Variants in ZNF12 observed in about 807,000 individuals in gnomAD.
ZNF12 encodes zinc finger protein 12.
In ZNF12, 34 loss-of-function variants were observed where a neutral mutation model predicts 66.6. That is an observed-to-expected ratio of 0.51 (90% CI 0.39 to 0.68). ZNF12 has a LOEUF of 0.68. ZNF12 is among the 30% of genes least tolerant of loss of function. The pLI is 0.00. For missense variants in ZNF12, 697 were observed against 826.9 expected (o/e 0.84, Z 1.93); for synonymous variants, 320 against 278.9 (o/e 1.15, Z -1.47).
rs957272726 is a variant in ZNF12 at position 6,705,866 on chromosome 7, T to C, written c.-51+566A>G. 6.6e-6 allele frequency among the ~76,000 whole-genome samples: 1 copy of C among 152,232 alleles called. No individual in the cohort carries two copies. The highest frequency in any genetic ancestry group is 1.5e-5 in the Non-Finnish European group (1 of 68,034). ...ACAGTCGGCATAATTGAGTCTTTATTTGCAGAAACTTCAGTGTGCTACTCA... is the reference window on the plus strand; with the variant it reads ...ACAGTCGGCATAATTGAGTCTTTATCTGCAGAAACTTCAGTGTGCTACTCA... On this transcript the variant is annotated intron_variant, in intron 1 of 4. Coordinates refer to ENST00000405858, the MANE Select transcript of ZNF12 (RefSeq NM_016265.4). This position sits in a 1 kb window ranked among gnomAD's most constrained non-coding sequence, Gnocchi z 4.0.
chr7:6,692,616 A>G lies in ZNF12; in HGVS notation c.326T>C (p.Leu109Pro). ...AGGAACATTACCTCTCTCTTCAATC[A>G]GGGTCTCAATGAACACAGTTTGCCT... ...PSRQTVFIETLIEERGNVPGK... is the reference protein window; with the variant it reads ...PSRQTVFIETPIEERGNVPGK... Residue 109 changes from leucine (L) to proline (P), a missense_variant, in exon 5 of 5, where the codon CTG becomes CCG. Physicochemically the swap from Leu to Pro is moderately conservative, Grantham distance 98. Around this residue, in one of 3 missense-constraint regions of ZNF12, gnomAD observed 241 missense variants for 224.0 expected, o/e 1.08. Coordinates refer to ENST00000405858, the MANE Select transcript of ZNF12 (RefSeq NM_016265.4). This position sits in a 1 kb window ranked among gnomAD's most constrained non-coding sequence, Gnocchi z 5.1. 1 of 1,613,834 alleles carries G rather than the reference A, an allele frequency of 6.2e-7. No homozygotes were observed.
rs372495360 is a variant in ZNF12 at position 6,697,861 on chromosome 7, G to C, written c.16-50C>G. 1.2e-6 allele frequency: 2 copies of C among 1,610,626 alleles called. No individual in the cohort carries two copies. Among genetic ancestry groups the C allele is most frequent in the East Asian group, 4.5e-5 (2 of 44,868 alleles). ...TGGGTGACGTGAAATAGGCACATAG[G>C]TACAAGATCTTAGCATGCTCACTGG... On this transcript the variant is annotated intron_variant, in intron 2 of 4. Transcript: ENST00000405858. The surrounding 1 kb of genome is among the most constrained non-coding windows in gnomAD (Gnocchi z 6.1).
In ZNF12 at chr7:6,690,934, A is replaced by T; in HGVS notation, c.2008T>A (p.Phe670Ile). 1 of 1,614,056 alleles carries T rather than the reference A, an allele frequency of 6.2e-7. No homozygotes were observed. The highest frequency in any genetic ancestry group is 1.7e-5 in the Admixed American group (1 of 60,006). ...CTGTTGAATGCTGATTTGTGGTAGA[A>T]TTTTTTTCCACATTCAGTACACTCA... is the stretch of plus-strand genomic sequence containing the variant. ...PYECTECGKKFYHKSAFNSHQ... is the reference protein window; with the variant it reads ...PYECTECGKKIYHKSAFNSHQ... Residue 670 changes from phenylalanine to isoleucine, a missense_variant, in exon 5 of 5, where the codon TTC becomes ATC. Physicochemically the swap from Phe to Ile is conservative, Grantham distance 21. Transcript: ENST00000405858.
At chr7:6,695,174 C>G (rs905927906) in intron 4 of ZNF12, among the ~76,000 whole-genome samples, 1 of 152,252 alleles carries the variant, frequency 6.6e-6, no homozygotes, top group Non-Finnish European at 1.5e-5. Flanking sequence ...CTCGGCCTCC[C>G]AAAGTGCTGG....
chr7:6,691,931 C>T lies in ZNF12; in HGVS notation c.1011G>A (p.Lys337=). 1.2e-6 allele frequency: 2 copies of T among 1,614,142 alleles called. No individual in the cohort carries two copies. Among genetic ancestry groups the T allele is most frequent in the Non-Finnish European group, 1.7e-6 (2 of 1,180,012 alleles). The change falls in exon 5 of 5, where the codon AAG becomes AAA. Residue 337 remains lysine, a synonymous_variant. Transcript: ENST00000405858. ...TTCTCTGATGCTGAATGAGGTGTAACTTCTGGTAAAAGTTCTTCCCACATT... is the reference window on the plus strand; with the variant it reads ...TTCTCTGATGCTGAATGAGGTGTAATTTCTGGTAAAAGTTCTTCCCACATT... ...CNECGKNFYQ[K]LHLIQHQRTH...
Position 6,692,756 on chromosome 7 carries a change from A to G in ZNF12, c.239-53T>C. On this transcript the variant is annotated intron_variant, in intron 4 of 4. Transcript: ENST00000405858. The surrounding 1 kb of genome is among the most constrained non-coding windows in gnomAD (Gnocchi z 5.1). ...TTGTACATCTTCCTATATATATATG[A>G]TATGGAATGAGATTCATGATTTGTA... 6.8e-7 allele frequency: 1 copy of G among 1,472,146 alleles called. No individual in the cohort carries two copies. Among genetic ancestry groups the G allele is most frequent in the South Asian group, 1.4e-5 (1 of 70,716 alleles). 91.2% of individuals were successfully genotyped at this position (1,472,146 alleles called of 1,614,324 possible). A position where few individuals can be genotyped will look rare whatever the true frequency, so the allele number is the denominator to read the frequency against.
At chr7:6,704,367 A>G (rs1314953578) in intron 2 of ZNF12, 1 of 151,454 alleles carries the variant, frequency 6.6e-6, no homozygotes, top group Non-Finnish European at 1.5e-5. Context: ...AAGGGTGAGA[A>G]GGCCATTTCT....
In ZNF12 at chr7:6,692,721, TAATA is replaced by T. The variant is rs1402331377; in HGVS notation, c.239-22_239-19del. 4 of 1,539,416 alleles carry T rather than the reference TAATA, an allele frequency of 2.6e-6. No individual in the cohort carries two copies. The African/African-American group carries it at 5.6e-5, about 21-fold the overall frequency. On this transcript the variant is annotated intron_variant, in intron 4 of 4. Transcript: ENST00000405858. The surrounding 1 kb of genome is among the most constrained non-coding windows in gnomAD (Gnocchi z 5.1). ...GACTTCATCTAAAGAGAGACAAAATTAATAAACTTTTGTACATCTTCCTATATAT... is the reference window on the plus strand; with the variant it reads ...GACTTCATCTAAAGAGAGACAAAATTAACTTTTGTACATCTTCCTATATAT...
At chr7:6,703,548 G>T (rs142036606) in intron 2 of ZNF12, among the ~76,000 whole-genome samples, 2 of 152,224 alleles carry the variant, frequency 1.3e-5, no homozygotes, top group Non-Finnish European at 1.5e-5. Flanking sequence ...GAATCAATAG[G>T]AACAAGAGAA....
In ZNF12 at chr7:6,692,182, A is replaced by C; in HGVS notation, c.760T>G (p.Ser254Ala). The change falls in exon 5 of 5, where the codon TCG becomes GCG. Residue 254 changes from serine (S) to alanine (A), a missense_variant. By Grantham distance (99) the Ser-to-Ala change is moderately conservative. Around this residue, in one of 3 missense-constraint regions of ZNF12, gnomAD observed 241 missense variants for 224.0 expected, o/e 1.08. Transcript: ENST00000405858. The surrounding 1 kb of genome is among the most constrained non-coding windows in gnomAD (Gnocchi z 5.1). The stretch of plus-strand genomic sequence containing the variant: ...GATGTCTGATGTACAGTGAGGTCCG[A>C]CATCTGGAGAAAGGCTATTTCAGAT... ...NGSEIAFLQMSDLTVHQTSHM... is the reference protein window; with the variant it reads ...NGSEIAFLQMADLTVHQTSHM... 1 of 1,614,160 alleles carries C rather than the reference A, an allele frequency of 6.2e-7. No homozygotes were observed.
In ZNF12 at chr7:6,705,008, TA is replaced by T; in HGVS notation, c.15+150del. 2 of 826,628 alleles carry T rather than the reference TA, an allele frequency of 2.4e-6. No homozygotes were observed. The highest frequency in any genetic ancestry group is 3.6e-6 in the Non-Finnish European group (2 of 556,726). The allele number at this position is 826,628 out of a possible 1,614,324, so 51.2% of individuals were successfully genotyped here. On this transcript the variant is annotated intron_variant, in intron 2 of 4. Transcript: ENST00000405858. This position sits in a 1 kb window ranked among gnomAD's most constrained non-coding sequence, Gnocchi z 4.0. ...ACGCTATCTGCGCATATGAATATGA[TA>T]AAAAGGCTTGGTGCTGATGGCTACT... is the stretch of plus-strand genomic sequence containing the variant.
chr7:6,691,627 A>G lies in ZNF12; in HGVS notation c.1315T>C (p.Cys439Arg). The G allele has an allele frequency of 6.2e-7, 1 of 1,614,040 alleles. No homozygotes were observed. The highest frequency in any genetic ancestry group is 8.5e-7 in the Non-Finnish European group (1 of 1,179,928). The change falls in exon 5 of 5, where the codon TGT (cysteine) becomes CGT (arginine). Residue 439 changes from cysteine to arginine, a missense_variant. By Grantham distance (180) the Cys-to-Arg change is radical. Around this residue, in one of 3 missense-constraint regions of ZNF12, gnomAD observed 401 missense variants for 519.0 expected, o/e 0.77. Coordinates refer to ENST00000405858, the MANE Select transcript of ZNF12 (RefSeq NM_016265.4). ...RTHTGEKPYECNECGKFFSRL... is the reference protein window; with the variant it reads ...RTHTGEKPYERNECGKFFSRL... The stretch of plus-strand genomic sequence containing the variant: ...GAGAAGAATTTTCCACACTCATTAC[A>G]TTCATACGGTTTCTCTCCTGTGTGG...
rs1780097895 is a variant in ZNF12, at chr7:6,692,979, T to C, written c.239-276A>G. ...TGCACTTTTGATCTACTTTATATTTTGTTCAAAACTGGGAATAGAAGATAA... is the reference window on the plus strand; with the variant it reads ...TGCACTTTTGATCTACTTTATATTTCGTTCAAAACTGGGAATAGAAGATAA... On this transcript the variant is annotated intron_variant, in intron 4 of 4. Coordinates refer to ENST00000405858, the MANE Select transcript of ZNF12 (RefSeq NM_016265.4). This position sits in a 1 kb window ranked among gnomAD's most constrained non-coding sequence, Gnocchi z 5.1. 6.6e-6 allele frequency among the ~76,000 whole-genome samples: 1 copy of C among 152,218 alleles called. No individual in the cohort carries two copies. The highest frequency in any genetic ancestry group is 2.1e-4 in the South Asian group (1 of 4,832).
In ZNF12 at chr7:6,692,895, A is replaced by C. The variant is rs973848041; in HGVS notation, c.239-192T>G. Among the ~76,000 whole-genome samples, 1 of 152,032 alleles carries C rather than the reference A, an allele frequency of 6.6e-6. No homozygotes were observed. The highest frequency in any genetic ancestry group is 2.4e-5 in the African/African-American group (1 of 41,382). ...AAATTACACACACACAAACACACAC[A>C]CACACACACATCCCCCTCTAGGAAT... On this transcript the variant is annotated intron_variant, in intron 4 of 4. Coordinates refer to ENST00000405858, the MANE Select transcript of ZNF12 (RefSeq NM_016265.4). The surrounding 1 kb of genome is among the most constrained non-coding windows in gnomAD (Gnocchi z 5.1).
rs1027587484 is a variant in ZNF12, at chr7:6,696,960, G to A, written c.238+379C>T. Among the ~76,000 whole-genome samples the A allele has an allele frequency of 3.3e-5, 5 of 150,356 alleles. No homozygotes were observed. Among genetic ancestry groups the A allele is most frequent in the African/African-American group, 7.4e-5 (3 of 40,666 alleles). Reference sequence around the variant, plus strand: ...CCAGAAACAGTCTCAGGCACTGCACGGTAAAGATTAAAAAAAAAAAACCAG... The same window carrying A: ...CCAGAAACAGTCTCAGGCACTGCACAGTAAAGATTAAAAAAAAAAAACCAG... On this transcript the variant is annotated intron_variant, in intron 4 of 4. Transcript: ENST00000405858. This position sits in a 1 kb window ranked among gnomAD's most constrained non-coding sequence, Gnocchi z 4.0.
rs1483958483 is a variant in ZNF12, at chr7:6,697,800, T to A, written c.27A>T (p.Ser9=). 6.2e-7 allele frequency: 1 copy of A among 1,614,162 alleles called. No homozygotes were observed. The highest frequency in any genetic ancestry group is 8.5e-7 in the Non-Finnish European group (1 of 1,180,034). ...TGAAGTCCACAGCCACGTCCTTGAA[T>A]GACACTGGCCCCTGAAATGGCACCG... MNKSLGPV[S]FKDVAVDFTQ... The change falls in exon 3 of 5, where the codon TCA becomes TCT. Residue 9 remains serine, a synonymous_variant. Transcript: ENST00000405858. This position sits in a 1 kb window ranked among gnomAD's most constrained non-coding sequence, Gnocchi z 6.1.
Position 6,698,044 on chromosome 7 carries a change from G to A in ZNF12, c.16-233C>T, listed in dbSNP as rs992598080. The A allele has an allele frequency of 5.6e-6, 4 of 718,654 alleles. No individual in the cohort carries two copies. The highest frequency in any genetic ancestry group is 5.2e-5 in the African/African-American group (3 of 58,098). The allele number at this position is 718,654 out of a possible 1,614,324, so 44.5% of individuals were successfully genotyped here. On this transcript the variant is annotated intron_variant, in intron 2 of 4. Coordinates refer to ENST00000405858, the MANE Select transcript of ZNF12 (RefSeq NM_016265.4). This position sits in a 1 kb window ranked among gnomAD's most constrained non-coding sequence, Gnocchi z 4.4. Reference sequence around the variant, plus strand: ...AACACTGGGATTGCACGGTGAGCCAGAAACAATCCTGGCTGTTGGGAACTC... The same window carrying A: ...AACACTGGGATTGCACGGTGAGCCAAAAACAATCCTGGCTGTTGGGAACTC...
chr7:6,690,819 G>T lies in ZNF12; in HGVS notation c.*29C>A. On this transcript the variant is annotated 3_prime_UTR_variant, in exon 5 of 5. Transcript: ENST00000405858. ...AGTTTCTGATTCACTATACTGAAAG[G>T]GTTCTCTGATATAAAATGAGGTCTG... 1.3e-6 allele frequency: 2 copies of T among 1,560,704 alleles called. No individual in the cohort carries two copies. Among genetic ancestry groups the T allele is most frequent in the Non-Finnish European group, 1.7e-6 (2 of 1,154,718 alleles).
In ZNF12 at chr7:6,690,873, A is replaced by G; in HGVS notation, c.2069T>C (p.Val690Ala). 1.2e-6 allele frequency: 2 copies of G among 1,612,978 alleles called. No homozygotes were observed. The highest frequency in any genetic ancestry group is 1.7e-6 in the Non-Finnish European group (2 of 1,179,394). The change falls in exon 5 of 5, where the codon GTA becomes GCA. Residue 690 changes from valine (V) to alanine (A), a missense_variant. Physicochemically the swap from Val to Ala is moderately conservative, Grantham distance 64. Coordinates refer to ENST00000405858, the MANE Select transcript of ZNF12 (RefSeq NM_016265.4). Reference protein sequence around the residue: ...QRIHRRGNMNVIDVGRLL With the variant: ...QRIHRRGNMNAIDVGRLL ...TCAGAGAAGCCTTCCCACATCTATTACATTCATATTGCCTCTCCTATGAAT... is the reference window on the plus strand; with the variant it reads ...TCAGAGAAGCCTTCCCACATCTATTGCATTCATATTGCCTCTCCTATGAAT...
Sources: allele counts gnomAD v4.1 joint callset (sites outside exome capture counted in the v4.1 genomes callset), GRCh38; gene constraint gnomAD v4.1.1; regional missense constraint gnomAD v4.1.1; non-coding constraint Gnocchi (gnomAD v3.1); transcripts MANE v1.5; gene names NCBI Gene and HGNC (gene_info 2026-07-23, HGNC 2026-07-21).